KCNIP4: variants seen among roughly 807,000 people sequenced by gnomAD.
The protein encoded by KCNIP4 is Kv channel-interacting protein 4.
In KCNIP4, 12 loss-of-function variants were observed where a neutral mutation model predicts 34.0. The observed-to-expected ratio is 0.35, with a 90% CI of 0.23 to 0.57. The LOEUF (loss-of-function observed/expected upper bound fraction) is 0.57, where lower values mean the gene tolerates loss of function less well. Among genes scored for constraint, KCNIP4 ranks in the 20% least tolerant of loss-of-function variants. The pLI, the probability that KCNIP4 is intolerant of heterozygous loss-of-function variation, is 0.83. For synonymous variants in KCNIP4, 124 were observed against 102.2 expected (o/e 1.21, Z -1.29); for missense variants, 238 against 311.7 (o/e 0.76, Z 1.78).
chr4:21,234,353 T>A (rs1170987919), intron 1 of KCNIP4, among the ~76,000 whole-genome samples: 1 of 103,818 alleles, frequency 9.6e-6, no homozygotes, highest in Non-Finnish European at 1.9e-5. Flanking sequence ...ATACATTATA[T>A]ATAACATATA....
At chr4:20,730,474 A>T (rs551323326) in intron 8 of KCNIP4, among the ~76,000 whole-genome samples, 1 of 151,900 alleles carries the variant, frequency 6.6e-6, no homozygotes, top group Non-Finnish European at 1.5e-5. Flanking sequence ...GAATTTTGGC[A>T]TTCTATGTAG....
chr4:21,679,163 T>C (rs553112322), intron 1 of KCNIP4, among the ~76,000 whole-genome samples: 1 of 152,346 alleles, frequency 6.6e-6, no homozygotes, highest in South Asian at 2.1e-4. Flanking sequence ...TTAGGCTACG[T>C]AGTCTGTGAT....
At chr4:21,929,617 C>T (rs1346899361) in intron 1 of KCNIP4, among the ~76,000 whole-genome samples, 3 of 152,066 alleles carry the variant, frequency 2.0e-5, no homozygotes, top group Admixed American at 1.3e-4. Context: ...AAAATGAACC[C>T]GCCAGTAGTT....
At chr4:21,388,405 GAGTA>G (rs1245496767) in intron 1 of KCNIP4, among the ~76,000 whole-genome samples, 1 of 151,914 alleles carries the variant, frequency 6.6e-6, no homozygotes, top group Non-Finnish European at 1.5e-5. Context: ...TTTCTTCAAT[GAGTA>G]AGTGAGATAA....
intron 1 of KCNIP4, among the ~76,000 whole-genome samples, chr4:21,559,895 A>G (rs1560516521): frequency 6.6e-6 from 1 of 152,264 alleles, no homozygotes; most frequent in East Asian, 1.9e-4. Flanking sequence ...TTGCAGAAAG[A>G]AATTAGTTCA....
At chr4:21,929,350 A>G (rs1457905957) in intron 1 of KCNIP4, among the ~76,000 whole-genome samples, 3 of 152,180 alleles carry the variant, frequency 2.0e-5, no homozygotes, top group East Asian at 3.8e-4. Flanking sequence ...AATATTTTCA[A>G]TAATTGTTAA....
Position 21,231,085 on chromosome 4 carries a change from A to G in KCNIP4, c.62-348376T>C, listed in dbSNP as rs539787194. ...CTAGGAAACTAATATAGCAGCCTCA[A>G]GAGATAATGCATGTACATCCTCATT... is the stretch of plus-strand genomic sequence containing the variant. On this transcript the variant is annotated intron_variant, in intron 1 of 8. Coordinates refer to ENST00000382152, the MANE Select transcript of KCNIP4 (RefSeq NM_025221.6). Among the ~76,000 whole-genome samples, 4 of 152,268 alleles carry G rather than the reference A, an allele frequency of 2.6e-5. No homozygotes were observed. The South Asian group carries it at 6.2e-4, about 24-fold the overall frequency.
chr4:21,883,940 T>G (rs566237060), intron 1 of KCNIP4, among the ~76,000 whole-genome samples: 198 of 152,270 alleles, frequency 1.3e-3, no homozygotes, highest in Non-Finnish European at 2.2e-3. Context: ...ACATTAAATA[T>G]TTCTGTTGTT....
chr4:21,035,672 T>C (rs1287072548), intron 1 of KCNIP4, among the ~76,000 whole-genome samples: 1 of 152,180 alleles, frequency 6.6e-6, no homozygotes, highest in Non-Finnish European at 1.5e-5. Context: ...GAAATTCATA[T>C]TTATTGAGGC....
chr4:21,759,997 G>C (rs911478874), intron 1 of KCNIP4, among the ~76,000 whole-genome samples: 2 of 150,822 alleles, frequency 1.3e-5, no homozygotes, highest in Non-Finnish European at 2.9e-5. Flanking sequence ...AACTGATAAA[G>C]AAAGAACTAC....
At chr4:20,742,617 G>A (rs922204526) in intron 5 of KCNIP4, among the ~76,000 whole-genome samples, 1 of 152,060 alleles carries the variant, frequency 6.6e-6, no homozygotes, top group Non-Finnish European at 1.5e-5. Flanking sequence ...CATACTGAAT[G>A]GGCAAAAACT....
At chr4:21,593,648 A>C (rs942200043) in intron 1 of KCNIP4, among the ~76,000 whole-genome samples, 1 of 151,926 alleles carries the variant, frequency 6.6e-6, no homozygotes, top group Non-Finnish European at 1.5e-5. Context: ...TTGCCCCACA[A>C]CCTACTGGAG....
intron 1 of KCNIP4, among the ~76,000 whole-genome samples, chr4:20,950,967 G>A (rs1272342746): frequency 6.6e-6 from 1 of 151,994 alleles, no homozygotes; most frequent in Non-Finnish European, 1.5e-5. Flanking sequence ...TTCATATATT[G>A]AAGCCCTAGC....
chr4:21,947,987 T>C (rs898043884), intron 1 of KCNIP4, among the ~76,000 whole-genome samples: 3 of 152,226 alleles, frequency 2.0e-5, no homozygotes, highest in Non-Finnish European at 2.9e-5. Flanking sequence ...CTGTACTGTA[T>C]ATAAATTATT....
At chr4:21,484,701 CTT>C (rs1310923858) in intron 1 of KCNIP4, among the ~76,000 whole-genome samples, 1 of 152,166 alleles carries the variant, frequency 6.6e-6, no homozygotes, top group Non-Finnish European at 1.5e-5. Context: ...CCAAGGGCCA[CTT>C]TCTCTAGAAA....
At chr4:21,471,436 A>C (rs940491384) in intron 1 of KCNIP4, among the ~76,000 whole-genome samples, 2 of 152,178 alleles carry the variant, frequency 1.3e-5, no homozygotes, top group African/African-American at 4.8e-5. Context: ...GAATTAAGAG[A>C]ATAATAATTA....
intron 1 of KCNIP4, among the ~76,000 whole-genome samples, chr4:21,502,636 G>A (rs1056751244): frequency 2.6e-5 from 4 of 152,056 alleles, no homozygotes; most frequent in Middle Eastern, 3.4e-3. Context: ...ATCTTTATCC[G>A]AAATGTTGTT....
intron 1 of KCNIP4, among the ~76,000 whole-genome samples, chr4:21,704,124 T>C (rs777584749): frequency 1.3e-5 from 2 of 152,134 alleles, no homozygotes; most frequent in East Asian, 1.9e-4. Flanking sequence ...TGGACATCCA[T>C]AGGCAAGAAC....
rs1468345165 is a variant in KCNIP4 at position 21,803,579 on chromosome 4, T to C, written c.61+144992A>G. ...ACCTCACCTGCCCAACCCCCACCATTACCCTGCCCTCTATTGCTACTGGTC... is the reference window on the plus strand; with the variant it reads ...ACCTCACCTGCCCAACCCCCACCATCACCCTGCCCTCTATTGCTACTGGTC... On this transcript the variant is annotated intron_variant, in intron 1 of 8. Transcript: ENST00000382152. Among the ~76,000 whole-genome samples, 3 of 152,078 alleles carry C rather than the reference T, an allele frequency of 2.0e-5. No homozygotes were observed. In the East Asian group the frequency reaches 5.8e-4, roughly 29 times the overall value.
Sources: gnomAD v4.1 joint callset for allele counts (sites outside exome capture counted in the v4.1 genomes callset) on GRCh38, gnomAD v4.1.1 for gene constraint, MANE v1.5 for transcripts, NCBI Gene and HGNC (gene_info 2026-07-23, HGNC 2026-07-21) for gene names.